Variants in PRKAA2 observed in about 807,000 individuals in gnomAD.
PRKAA2 encodes protein kinase AMP-activated catalytic subunit alpha 2.
PRKAA2 carries 40 observed loss-of-function variants against 56.3 expected under a neutral mutation model. That is an observed-to-expected ratio of 0.71 (90% CI 0.55 to 0.92). PRKAA2 has a LOEUF of 0.92. PRKAA2 is among the 40% of genes least tolerant of loss of function. The probability of loss-of-function intolerance (pLI) is 0.00; values close to 1 mark genes in which losing one functional copy is unlikely to be tolerated. For synonymous variants in PRKAA2, 214 were observed against 234.2 expected (o/e 0.91, Z 0.79); for missense variants, 542 against 686.9 (o/e 0.79, Z 2.36).
intron 5 of PRKAA2, among the ~76,000 whole-genome samples, chr1:56,694,628 C>T (rs984451303): frequency 6.6e-6 from 1 of 152,002 alleles, no homozygotes; most frequent in Non-Finnish European, 1.5e-5. Flanking sequence ...ACTGTATGCT[C>T]ACTGTAACTT....
chr1:56,694,253 T>C (rs857158), intron 5 of PRKAA2, among the ~76,000 whole-genome samples: 150,260 of 152,252 alleles, frequency 0.99, 74,147 homozygotes, highest in East Asian at 1. Flanking sequence ...TTTGGAAAAA[T>C]GAGATTTTGG....
intron 1 of PRKAA2, among the ~76,000 whole-genome samples, chr1:56,665,140 C>T (rs1219611584): frequency 6.7e-6 from 1 of 149,602 alleles, no homozygotes; most frequent in Non-Finnish European, 1.5e-5. Flanking sequence ...GTGGCACTGT[C>T]TTGGCTCACT....
chr1:56,645,833 C>G (rs755894463), intron 1 of PRKAA2, among the ~76,000 whole-genome samples: 1 of 152,188 alleles, frequency 6.6e-6, no homozygotes, highest in African/African-American at 2.4e-5. Context: ...ACTCGTTCTG[C>G]GAGGCGCCTT....
chr1:56,692,629 TC>T, intron 4 of PRKAA2, 127 bp downstream of exon 4: 1 of 858,094 alleles, frequency 1.2e-6, no homozygotes, highest in Non-Finnish European at 1.7e-6. Context: ...AGCTGAAATC[TC>T]CTCAGTAGCT....
rs1359425212 is a variant in PRKAA2 at position 56,706,172 on chromosome 1, C to T, written c.1374C>T (p.Tyr458=). Reference sequence around the variant, plus strand: ...ACGTGAAAATGAGCTTACAACTTTACCTGGTTGATAACAGGAGCTATCTTT... The same window carrying T: ...ACGTGAAAATGAGCTTACAACTTTATCTGGTTGATAACAGGAGCTATCTTT... ...GNYVKMSLQL[Y]LVDNRSYLLD... The change falls in exon 8 of 9, where the codon TAC becomes TAT. Residue 458 remains tyrosine (Y), a synonymous_variant. Transcript: ENST00000371244. 6.2e-7 allele frequency: 1 copy of T among 1,613,864 alleles called. No homozygotes were observed. Among genetic ancestry groups the T allele is most frequent in the South Asian group, 1.1e-5 (1 of 91,058 alleles).
chr1:56,680,749 A>G (rs1644147702), intron 2 of PRKAA2, among the ~76,000 whole-genome samples: 1 of 152,178 alleles, frequency 6.6e-6, no homozygotes, highest in African/African-American at 2.4e-5. Context: ...TTCTTAATCC[A>G]GTCTATCACT....
intron 2 of PRKAA2, among the ~76,000 whole-genome samples, chr1:56,682,071 A>G (rs1644159177): frequency 6.6e-6 from 1 of 152,104 alleles, no homozygotes; most frequent in African/African-American, 2.4e-5. Flanking sequence ...GGTCCTTCAC[A>G]TCCCTTGTAA....
Position 56,710,245 on chromosome 1 carries a change from A to T in PRKAA2, c.*2532A>T, listed in dbSNP as rs2100444699. The T allele has an allele frequency of 6.6e-6, 1 of 152,036 alleles. No homozygotes were observed. Among genetic ancestry groups the T allele is most frequent in the South Asian group, 2.1e-4 (1 of 4,794 alleles). 9.4% of individuals were successfully genotyped at this position (152,036 alleles called of 1,614,324 possible). ...GGCCTTAGTTATATCATGGAAATGGACTCCATGTAGTTCTAGAACTGCATT... is the reference window on the plus strand; with the variant it reads ...GGCCTTAGTTATATCATGGAAATGGTCTCCATGTAGTTCTAGAACTGCATT... On this transcript the variant is annotated 3_prime_UTR_variant, in exon 9 of 9. Coordinates refer to ENST00000371244, the MANE Select transcript of PRKAA2 (RefSeq NM_006252.4).
chr1:56,695,529 A>G (rs895464113), intron 5 of PRKAA2, among the ~76,000 whole-genome samples: 1 of 152,166 alleles, frequency 6.6e-6, no homozygotes, highest in African/African-American at 2.4e-5. Flanking sequence ...TAGAAATTCT[A>G]TTATATGTAT....
chr1:56,661,982 A>G (rs1284893251), intron 1 of PRKAA2, among the ~76,000 whole-genome samples: 1 of 152,132 alleles, frequency 6.6e-6, no homozygotes, highest in East Asian at 1.9e-4. Context: ...GTAATCTTTA[A>G]AAGACTTTAA....
chr1:56,705,553 A>T (rs1358791674), intron 7 of PRKAA2, among the ~76,000 whole-genome samples: 1 of 151,572 alleles, frequency 6.6e-6, no homozygotes, highest in African/African-American at 2.4e-5. Context: ...CTGCCACCAC[A>T]CTCGGCTGAT....
chr1:56,658,037 A>G (rs760962759), intron 1 of PRKAA2, among the ~76,000 whole-genome samples: 1 of 152,214 alleles, frequency 6.6e-6, no homozygotes, highest in Admixed American at 6.5e-5. Context: ...AAGTAGAGTT[A>G]TAGTGTTCTA....
Position 56,711,634 on chromosome 1 carries a change from G to A in PRKAA2, c.*3921G>A, listed in dbSNP as rs557238227. ...GTCACCCTGTGGCTTTTTAAATAGG[G>A]AATGTAATTTATTTTAATAGTAGTT... On this transcript the variant is annotated 3_prime_UTR_variant, in exon 9 of 9. Transcript: ENST00000371244. The A allele has an allele frequency of 3.3e-5, 5 of 152,142 alleles. No individual in the cohort carries two copies. In the East Asian group the frequency reaches 9.7e-4, roughly 29 times the overall value. The allele number at this position is 152,142 out of a possible 1,614,324, so 9.4% of individuals were successfully genotyped here.
chr1:56,654,416 A>C (rs1237724615), intron 1 of PRKAA2, among the ~76,000 whole-genome samples: 4 of 152,160 alleles, frequency 2.6e-5, no homozygotes, highest in African/African-American at 9.7e-5. Context: ...AGTATTAATA[A>C]TTTTTGAAGC....
At chr1:56,672,849 A>C (rs1325310707) in intron 1 of PRKAA2, among the ~76,000 whole-genome samples, 1 of 152,202 alleles carries the variant, frequency 6.6e-6, no homozygotes, top group East Asian at 1.9e-4. Flanking sequence ...AAGGCAATAA[A>C]TGTAACTACT....
intron 8 of PRKAA2, 104 bp from the exon 9 acceptor site, chr1:56,707,371 T>C (rs1644338684): frequency 2.2e-6 from 2 of 913,474 alleles, no homozygotes; most frequent in Non-Finnish European, 3.4e-6. Flanking sequence ...TAAGTTGCCC[T>C]TGCTCAGATG....
intron 3 of PRKAA2, 144 bp from the exon 4 acceptor site, chr1:56,692,213 GT>G: frequency 1.1e-6 from 1 of 899,698 alleles, no homozygotes; most frequent in Non-Finnish European, 1.7e-6. Context: ...TGTATTTTTA[GT>G]AGAGATGGAG....
intron 1 of PRKAA2, chr1:56,671,579 G>A (rs548402208): frequency 2.0e-5 from 3 of 152,282 alleles, no homozygotes; most frequent in African/African-American, 7.2e-5. Flanking sequence ...TAACTTTCAA[G>A]CTTCATTAAA....
intron 2 of PRKAA2, among the ~76,000 whole-genome samples, chr1:56,682,273 T>G (rs1386630953): frequency 6.6e-6 from 1 of 152,052 alleles, no homozygotes; most frequent in Non-Finnish European, 1.5e-5. Flanking sequence ...TAAAGATAAG[T>G]GCTATGAGAA....
Sources: gnomAD v4.1 joint callset for allele counts (sites outside exome capture counted in the v4.1 genomes callset) on GRCh38, gnomAD v4.1.1 for gene constraint, MANE v1.5 for transcripts, NCBI Gene and HGNC (gene_info 2026-07-23, HGNC 2026-07-21) for gene names.